The following KIAA1549L variants were observed in gnomAD, a reference collection of about 807,000 sequenced individuals.
KIAA1549L encodes UPF0606 protein KIAA1549L.
KIAA1549L carries 88 observed loss-of-function variants against 160.7 expected under a neutral mutation model. The ratio of observed to expected loss-of-function variants is 0.55; its 90% confidence interval spans 0.46 to 0.65. The LOEUF is 0.65. KIAA1549L is among the 30% of genes least tolerant of loss of function. The pLI is 0.00. For missense variants in KIAA1549L, 2,258 were observed against 2,437.5 expected (o/e 0.93, Z 1.55); for synonymous variants, 950 against 976.7 (o/e 0.97, Z 0.51).
rs116629788 is a variant in KIAA1549L at position 33,477,497 on chromosome 11, G to A, written c.239-64305G>A. 5.2e-3 allele frequency among the ~76,000 whole-genome samples: 761 copies of A among 147,654 alleles called. 9 individuals are homozygous for A. The highest frequency in any genetic ancestry group is 0.018 in the African/African-American group (686 of 38,290). On this transcript the variant is annotated intron_variant, in intron 1 of 20. Transcript: ENST00000658780. ...TGAATAATCTGTGGTGGAGTGCCAC[G>A]CAGGTGCACGCACACACACACAAAC... is the stretch of plus-strand genomic sequence containing the variant.
chr11:33,385,618 A>T (rs1475351531), intron 1 of KIAA1549L, among the ~76,000 whole-genome samples: 11 of 152,126 alleles, frequency 7.2e-5, no homozygotes, highest in Admixed American at 7.2e-4. Context: ...CTTTTTGGCT[A>T]TTCTAGGTCT....
At chr11:33,561,809 C>T (rs189334570) in intron 8 of KIAA1549L, 74 bp downstream of exon 8, 1 of 1,090,196 alleles carries the variant, frequency 9.2e-7, no homozygotes, top group East Asian at 2.4e-5. Flanking sequence ...GTAGGCCATT[C>T]ATTAATAAGA....
intron 15 of KIAA1549L, 112 bp downstream of exon 15, chr11:33,610,078 G>A: frequency 1.3e-6 from 1 of 761,886 alleles, no homozygotes; most frequent in Non-Finnish European, 2.2e-6. Context: ...TGTGATCTTT[G>A]CAGTCCACTG....
At chr11:33,436,737 G>A (rs902950518) in intron 1 of KIAA1549L, among the ~76,000 whole-genome samples, 4 of 152,198 alleles carry the variant, frequency 2.6e-5, no homozygotes, top group African/African-American at 9.7e-5. Context: ...CCAAGCAAGC[G>A]CAGTCTGGCT....
chr11:33,568,092 C>A lies in KIAA1549L; in HGVS notation c.4095C>A (p.Asp1365Glu). The change falls in exon 9 of 21, where the codon GAC becomes GAA. Residue 1365 changes from aspartate (D) to glutamate (E), a missense_variant. Asp to Glu is a conservative substitution (Grantham distance 45). This residue lies in a region of KIAA1549L where 1,359 missense variants were observed against 1,546.6 expected (regional missense o/e 0.88). Transcript: ENST00000658780. The stretch of plus-strand genomic sequence containing the variant: ...CATCCACAGTGCTGCAGGGTGTGGA[C>A]AATTCGCTGGTGGGCCTGCACAACC... ...YWVITVLQGV[D>E]NSLVGLHNQS... The A allele has an allele frequency of 1.2e-6, 2 of 1,611,126 alleles. No individual in the cohort carries two copies. Among genetic ancestry groups the A allele is most frequent in the Non-Finnish European group, 1.7e-6 (2 of 1,178,702 alleles).
rs1316931413 is a variant in KIAA1549L at position 33,626,212 on chromosome 11, C to A, written c.5409+7550C>A. 2.8e-5 allele frequency among the ~76,000 whole-genome samples: 4 copies of A among 143,222 alleles called. No individual in the cohort carries two copies. In the East Asian group the frequency reaches 8.0e-4, roughly 29 times the overall value. 94.0% of individuals were successfully genotyped at this position (143,222 alleles called of 152,430 possible). A position where few individuals can be genotyped will look rare whatever the true frequency, so the allele number is the denominator to read the frequency against. On this transcript the variant is annotated intron_variant, in intron 16 of 20. Coordinates refer to ENST00000658780, the MANE Select transcript of KIAA1549L (RefSeq NM_012194.3). Reference sequence around the variant, plus strand: ...GTAGTGTGATGCCTCCAGCTTTGTTCTTTTGGCTTAGGATTGACTTGGCAA... The same window carrying A: ...GTAGTGTGATGCCTCCAGCTTTGTTATTTTGGCTTAGGATTGACTTGGCAA...
At chr11:33,424,257 T>G (rs1358382005) in intron 1 of KIAA1549L, among the ~76,000 whole-genome samples, 1 of 152,176 alleles carries the variant, frequency 6.6e-6, no homozygotes, top group East Asian at 1.9e-4. Flanking sequence ...TAACATCTGC[T>G]TGTTATGAGA....
chr11:33,517,598 CATT>C (rs1463338449), intron 1 of KIAA1549L, among the ~76,000 whole-genome samples: 1 of 152,058 alleles, frequency 6.6e-6, no homozygotes, highest in African/African-American at 2.4e-5. Flanking sequence ...TCCTTTATGT[CATT>C]ATTATTAATG....
chr11:33,382,435 C>G (rs1446194828), intron 1 of KIAA1549L, among the ~76,000 whole-genome samples: 2 of 151,738 alleles, frequency 1.3e-5, no homozygotes, highest in Non-Finnish European at 2.9e-5. Context: ...GCAGATGGTT[C>G]AAGAGAGAAA....
rs865813158 is a variant in KIAA1549L at position 33,656,097 on chromosome 11, C to A, written c.5846C>A (p.Ala1949Asp). ...VPPRTGPVAV[A>D]SLRRSTSDIG... Reference sequence around the variant, plus strand: ...CCCCGGACTGGTCCTGTGGCTGTCGCTTCTCTCAGGCGGTAACACGTTCCT... The same window carrying A: ...CCCCGGACTGGTCCTGTGGCTGTCGATTCTCTCAGGCGGTAACACGTTCCT... The change falls in exon 18 of 21, where the codon GCT becomes GAT. Residue 1949 changes from alanine to aspartate, a missense_variant. Physicochemically the swap from Ala to Asp is moderately radical, Grantham distance 126 (BLOSUM62 -2). Around this residue, in one of 6 missense-constraint regions of KIAA1549L, gnomAD observed 1,359 missense variants for 1,546.6 expected, o/e 0.88. Transcript: ENST00000658780. The A allele has an allele frequency of 1.2e-6, 2 of 1,612,874 alleles. No homozygotes were observed. The highest frequency in any genetic ancestry group is 1.7e-5 in the Admixed American group (1 of 59,978).
At chr11:33,496,877 C>A (rs1213184803) in intron 1 of KIAA1549L, among the ~76,000 whole-genome samples, 1 of 152,120 alleles carries the variant, frequency 6.6e-6, no homozygotes, top group South Asian at 2.1e-4. Context: ...TTGTATAATT[C>A]TTCCCTTTGC....
At chr11:33,631,660 G>A (rs1196453245) in intron 16 of KIAA1549L, among the ~76,000 whole-genome samples, 1 of 152,116 alleles carries the variant, frequency 6.6e-6, no homozygotes, top group Non-Finnish European at 1.5e-5. Context: ...TTGGAACTTG[G>A]TTTAAACATG....
chr11:33,511,711 C>T (rs1243637224), intron 1 of KIAA1549L, among the ~76,000 whole-genome samples: 1 of 152,186 alleles, frequency 6.6e-6, no homozygotes, highest in African/African-American at 2.4e-5. Context: ...ATGGAATTTC[C>T]TTGCACAGAT....
chr11:33,544,907 C>A lies in KIAA1549L; in HGVS notation c.2914C>A (p.Pro972Thr). 6.2e-7 allele frequency: 1 copy of A among 1,613,426 alleles called. No homozygotes were observed. Among genetic ancestry groups the A allele is most frequent in the Non-Finnish European group, 8.5e-7 (1 of 1,179,618 alleles). The part of the protein sequence containing the change: ...SSSPLAVASG[P>T]AKSSSMTTLA... Reference sequence around the variant, plus strand: ...CAGCCCTTTGGCCGTGGCCTCAGGACCAGCTAAGAGCAGTTCGATGACTAC... The same window carrying A: ...CAGCCCTTTGGCCGTGGCCTCAGGAACAGCTAAGAGCAGTTCGATGACTAC... The change falls in exon 3 of 21, where the codon CCA (proline) becomes ACA (threonine). Residue 972 changes from proline (P) to threonine (T), a missense_variant. Around this residue, in one of 6 missense-constraint regions of KIAA1549L, gnomAD observed 1,359 missense variants for 1,546.6 expected, o/e 0.88. Transcript: ENST00000658780.
intron 1 of KIAA1549L, among the ~76,000 whole-genome samples, chr11:33,498,317 A>C (rs1852867247): frequency 6.6e-6 from 1 of 152,154 alleles, no homozygotes; most frequent in Non-Finnish European, 1.5e-5. Context: ...CGATGGCTGC[A>C]CTGAGAGGAG....
Position 33,545,397 on chromosome 11 carries a change from G to T in KIAA1549L, c.3385+19G>T. 1 of 1,587,700 alleles carries T rather than the reference G, an allele frequency of 6.3e-7. No homozygotes were observed. ...AAGACAGGTATGAGACCACTGTTCTGATCTGAAAGCAGCAAGCCTGGCCTC... is the reference window on the plus strand; with the variant it reads ...AAGACAGGTATGAGACCACTGTTCTTATCTGAAAGCAGCAAGCCTGGCCTC... On this transcript the variant is annotated intron_variant, in intron 3 of 20. Coordinates refer to ENST00000658780, the MANE Select transcript of KIAA1549L (RefSeq NM_012194.3).
intron 1 of KIAA1549L, among the ~76,000 whole-genome samples, chr11:33,413,054 C>T (rs1850814620): frequency 6.6e-6 from 1 of 152,010 alleles, no homozygotes; most frequent in East Asian, 1.9e-4. Context: ...TTTCCAAAGC[C>T]AGGTCTGGGG....
chr11:33,614,584 ATTTT>A (rs869257067), intron 15 of KIAA1549L, among the ~76,000 whole-genome samples: 12 of 5,106 alleles, frequency 2.4e-3, no homozygotes, highest in Non-Finnish European at 3.5e-3. Flanking sequence ...ATATATATAT[ATTTT>A]TTTTTTTTTT....
intron 1 of KIAA1549L, among the ~76,000 whole-genome samples, chr11:33,448,671 C>A (rs562543043): frequency 6.6e-6 from 1 of 152,184 alleles, no homozygotes; most frequent in Non-Finnish European, 1.5e-5. Context: ...GGAACGCTGG[C>A]ATGCCAGAAA....
Sources: gnomAD v4.1 joint callset for allele counts (sites outside exome capture counted in the v4.1 genomes callset) on GRCh38, gnomAD v4.1.1 for gene constraint, gnomAD v4.1.1 regional missense constraint, MANE v1.5 for transcripts, NCBI Gene and HGNC (gene_info 2026-07-23, HGNC 2026-07-21) for gene names.